Variants in ZNF589 observed in about 807,000 individuals in gnomAD.
ZNF589 encodes zinc finger protein 589.
A neutral mutation model predicts 13.6 loss-of-function variants in ZNF589; 17 were observed. The observed-to-expected ratio is 1.25, with a 90% CI of 0.86 to 1.88. The LOEUF (loss-of-function observed/expected upper bound fraction) is 1.88, where lower values mean the gene tolerates loss of function less well. Among genes scored for constraint, ZNF589 ranks in the 40% most tolerant of loss-of-function variants. ZNF589 has a pLI of 0.00. For synonymous variants in ZNF589, 148 were observed against 161.6 expected (o/e 0.92, Z 0.64); for missense variants, 407 against 434.0 (o/e 0.94, Z 0.55).
rs180824624 is a variant in ZNF589 at position 48,269,407 on chromosome 3, C to T, written c.*621C>T. The T allele has an allele frequency of 5.4e-4, 249 of 458,122 alleles. 4 individuals carry two copies. In the Admixed American group the frequency reaches 7.9e-3, roughly 15 times the overall value. 28.4% of individuals were successfully genotyped at this position (458,122 alleles called of 1,614,324 possible). ...GCTTTTGTGATAAATCAACTCTCCT[C>T]GCACACGAGCAGACACATTCAGGGG... On this transcript the variant is annotated 3_prime_UTR_variant, in exon 4 of 4. Transcript: ENST00000354698.
At chr3:48,253,801 G>T (rs984942402) in intron 2 of ZNF589, among the ~76,000 whole-genome samples, 1 of 152,058 alleles carries the variant, frequency 6.6e-6, no homozygotes, top group African/African-American at 2.4e-5. Flanking sequence ...CGTGCCCGGC[G>T]CTAGTCAGAT....
chr3:48,268,184 G>C lies in ZNF589; in HGVS notation c.493G>C (p.Val165Leu), dbSNP rs1199464792. Reference protein sequence around the residue: ...FWSTNERGALVGFSSLFQRPP... With the variant: ...FWSTNERGALLGFSSLFQRPP... Reference sequence around the variant, plus strand: ...GAGTACAAATGAAAGGGGGGCTTTAGTGGGTTTCTCTAGCCTGTTCCAGAG... The same window carrying C: ...GAGTACAAATGAAAGGGGGGCTTTACTGGGTTTCTCTAGCCTGTTCCAGAG... The change falls in exon 4 of 4, where the codon GTG (valine) becomes CTG (leucine). Residue 165 changes from valine (V) to leucine (L), a missense_variant. Coordinates refer to ENST00000354698, the MANE Select transcript of ZNF589 (RefSeq NM_016089.3). The C allele has an allele frequency of 6.2e-7, 1 of 1,611,958 alleles. No homozygotes were observed. Among genetic ancestry groups the C allele is most frequent in the African/African-American group, 1.3e-5 (1 of 74,962 alleles).
At position 48,270,017 on chromosome 3, in the gene ZNF589, T is replaced by A. The variant is rs2034072672; in HGVS notation, c.*1231T>A. ...GATGTGAAGATGACAGAGATCTAAC[T>A]TCTGAGAGCAGAGGTGTCAAGTGAC... On this transcript the variant is annotated 3_prime_UTR_variant, in exon 4 of 4. Coordinates refer to ENST00000354698, the MANE Select transcript of ZNF589 (RefSeq NM_016089.3). 4.4e-6 allele frequency: 2 copies of A among 457,142 alleles called. No individual in the cohort carries two copies. The highest frequency in any genetic ancestry group is 8.8e-6 in the Non-Finnish European group (2 of 227,100). The allele number at this position is 457,142 out of a possible 1,614,324, so 28.3% of individuals were successfully genotyped here.
chr3:48,263,386 C>T (rs986891636), intron 3 of ZNF589, among the ~76,000 whole-genome samples: 3 of 152,134 alleles, frequency 2.0e-5, no homozygotes, highest in African/African-American at 4.8e-5. Flanking sequence ...TTGGGATTAC[C>T]GGCGTGAGCC....
At chr3:48,246,928 A>C (rs1306043139) in intron 1 of ZNF589, among the ~76,000 whole-genome samples, 1 of 152,144 alleles carries the variant, frequency 6.6e-6, no homozygotes, top group Non-Finnish European at 1.5e-5. Context: ...TCGGCCTCCC[A>C]AAGTGCTAGG....
chr3:48,249,124 CAG>C (rs1430913238), intron 2 of ZNF589, among the ~76,000 whole-genome samples: 1 of 146,776 alleles, frequency 6.8e-6, no homozygotes, highest in African/African-American at 2.5e-5. Flanking sequence ...TTTTTTGAGA[CAG>C]AGTTTCGCTC....
Position 48,268,538 on chromosome 3 carries a change from C to G in ZNF589, c.847C>G (p.Arg283Gly). The change falls in exon 4 of 4, where the codon CGA (arginine) becomes GGA (glycine). Residue 283 changes from arginine (R) to glycine (G), a missense_variant. Arg to Gly is a moderately radical substitution (Grantham distance 125). Coordinates refer to ENST00000354698, the MANE Select transcript of ZNF589 (RefSeq NM_016089.3). ...EKPYVCGECG[R>G]GFIVESVLRN... ...GCCTTATGTCTGCGGAGAGTGTGGG[C>G]GAGGCTTTATAGTTGAGTCAGTCCT... is the stretch of plus-strand genomic sequence containing the variant. 6.2e-7 allele frequency: 1 copy of G among 1,613,884 alleles called. No homozygotes were observed. The highest frequency in any genetic ancestry group is 8.5e-7 in the Non-Finnish European group (1 of 1,179,972).
In ZNF589 at chr3:48,268,277, A is replaced by G; in HGVS notation, c.586A>G (p.Ser196Gly). 2 of 1,611,704 alleles carry G rather than the reference A, an allele frequency of 1.2e-6. No homozygotes were observed. Among genetic ancestry groups the G allele is most frequent in the Non-Finnish European group, 8.5e-7 (1 of 1,178,490 alleles). Residue 196 changes from serine to glycine, a missense_variant, in exon 4 of 4, where the codon AGC becomes GGC. Physicochemically the swap from Ser to Gly is moderately conservative, Grantham distance 56. Coordinates refer to ENST00000354698, the MANE Select transcript of ZNF589 (RefSeq NM_016089.3). ...EIQLSPAQNA[S>G]SEEVDRISKR... ...ACAGCTCAGTCCAGCCCAGAATGCA[A>G]GCTCTGAGGAAGTAGACAGAATTTC...
intron 2 of ZNF589, among the ~76,000 whole-genome samples, chr3:48,259,106 C>T (rs938868955): frequency 1.3e-5 from 2 of 152,222 alleles, no homozygotes; most frequent in Non-Finnish European, 2.9e-5. Context: ...GCAGCCCACA[C>T]CACTGCCCGC....
At chr3:48,256,467 T>C (rs2033904611) in intron 2 of ZNF589, 4 of 577,228 alleles carry the variant, frequency 6.9e-6, no homozygotes, top group Admixed American at 4.8e-5. Flanking sequence ...GGCATGAGGG[T>C]GCGGGGACCC....
At position 48,241,195 on chromosome 3, in the gene ZNF589, A is replaced by ACTGGG. The variant is rs758317625; in HGVS notation, c.29_33dup (p.Thr12AlafsTer26). 1.2e-6 allele frequency: 2 copies of ACTGGG among 1,613,250 alleles called. No individual in the cohort carries two copies. Among genetic ancestry groups the ACTGGG allele is most frequent in the Admixed American group, 3.3e-5 (2 of 59,994 alleles). On this transcript the variant is annotated frameshift_variant, in exon 1 of 4. Coordinates refer to ENST00000354698, the MANE Select transcript of ZNF589 (RefSeq NM_016089.3). LOFTEE classifies it high-confidence loss of function. The stretch of plus-strand genomic sequence containing the variant: ...AGATGTGGGCCCCGCGGGAGCAGCT[A>ACTGGG]CTGGGCTGGACTGCGGAAGGTGAGT...
chr3:48,254,350 A>G (rs1005286976), intron 2 of ZNF589, among the ~76,000 whole-genome samples: 9 of 152,204 alleles, frequency 5.9e-5, no homozygotes, highest in Admixed American at 4.6e-4. Flanking sequence ...GTTTTTGCCC[A>G]TACCACACTG....
intron 2 of ZNF589, chr3:48,256,516 T>C: frequency 4.8e-6 from 3 of 624,966 alleles, no homozygotes; most frequent in Non-Finnish European, 8.9e-6. Context: ...GTTTGCCCTT[T>C]GGAACAACTC....
intron 3 of ZNF589, among the ~76,000 whole-genome samples, chr3:48,262,189 A>G (rs898106576): frequency 1.3e-5 from 2 of 152,004 alleles, no homozygotes; most frequent in South Asian, 4.2e-4. Flanking sequence ...AGGACATTTT[A>G]TTTTATTTAT....
At chr3:48,241,273 C>T in intron 1 of ZNF589, 59 bp downstream of exon 1, 1 of 1,591,746 alleles carries the variant, frequency 6.3e-7, no homozygotes, top group Non-Finnish European at 8.5e-7. Context: ...AGGCGCCGCG[C>T]AGGCGTCGGC....
At chr3:48,241,236 G>C (rs1216317944) in intron 1 of ZNF589, 22 bp downstream of exon 1, 1 of 1,608,560 alleles carries the variant, frequency 6.2e-7, no homozygotes, top group Non-Finnish European at 8.5e-7. Flanking sequence ...CCGCGAGATC[G>C]CCTCCCCCAT....
rs888576202 is a variant in ZNF589, at chr3:48,270,662, T to G, written c.*1876T>G. On this transcript the variant is annotated 3_prime_UTR_variant, in exon 4 of 4. Transcript: ENST00000354698. ...CCAGTGCCTCTATTTGCTAAGGGAC[T>G]CTGCCACAGAAAAGAAGGGGAGAGA... 1 of 186,416 alleles carries G rather than the reference T, an allele frequency of 5.4e-6. No homozygotes were observed. The highest frequency in any genetic ancestry group is 2.3e-5 in the African/African-American group (1 of 42,608). 11.5% of individuals were successfully genotyped at this position (186,416 alleles called of 1,614,324 possible). A position where few individuals can be genotyped will look rare whatever the true frequency, so the allele number is the denominator to read the frequency against.
rs753440546 is a variant in ZNF589, at chr3:48,247,604, G to A, written c.44-21G>A. 57 of 1,610,914 alleles carry A rather than the reference G, an allele frequency of 3.5e-5. 1 individual carries two copies. The South Asian group carries it at 6.2e-4, about 17-fold the overall frequency. On this transcript the variant is annotated intron_variant, in intron 1 of 3. Coordinates refer to ENST00000354698, the MANE Select transcript of ZNF589 (RefSeq NM_016089.3). ...GGCCTGGTAGGGCTGGCTTCTCAAG[G>A]TTGCTTCTTTCTTTCCCCAGCTCTG...
intron 2 of ZNF589, among the ~76,000 whole-genome samples, chr3:48,255,796 G>T (rs544688511): frequency 6.6e-6 from 1 of 151,822 alleles, no homozygotes; most frequent in African/African-American, 2.4e-5. Flanking sequence ...GCCAGAGACG[G>T]GGTCTTGCCA....
Sources: allele counts gnomAD v4.1 joint callset (sites outside exome capture counted in the v4.1 genomes callset), GRCh38; gene constraint gnomAD v4.1.1; transcripts MANE v1.5; gene names NCBI Gene and HGNC (gene_info 2026-07-23, HGNC 2026-07-21).